RGS19: variants seen among roughly 807,000 people sequenced by gnomAD.
The protein encoded by RGS19 is regulator of G protein signaling 19.
A neutral mutation model predicts 22.0 loss-of-function variants in RGS19; 9 were observed. The ratio of observed to expected loss-of-function variants is 0.41; its 90% CI spans 0.25 to 0.71. The LOEUF is 0.71. Ranked by LOEUF, RGS19 falls within the 30% of genes least tolerant of loss-of-function variation. The pLI, the probability that RGS19 is intolerant of heterozygous loss-of-function variation, is 0.32. For missense variants in RGS19, 256 were observed against 307.1 expected (o/e 0.83, Z 1.24); for synonymous variants, 130 against 127.3 (o/e 1.02, Z -0.14).
Position 64,076,844 on chromosome 20 carries a change from G to A in RGS19, c.30+13C>T, listed in dbSNP as rs747966648. On this transcript the variant is annotated intron_variant, in intron 2 of 5. Coordinates refer to ENST00000395042, the MANE Select transcript of RGS19 (RefSeq NM_005873.3). Reference sequence around the variant, plus strand: ...CCCCCAGGGGAGCAGAGGCAGAGGGGGAGGTGGCATACCTGCTTCTCAGCC... The same window carrying A: ...CCCCCAGGGGAGCAGAGGCAGAGGGAGAGGTGGCATACCTGCTTCTCAGCC... 6 of 1,571,388 alleles carry A rather than the reference G, an allele frequency of 3.8e-6. No individual in the cohort carries two copies. The highest frequency in any genetic ancestry group is 2.3e-5 in the East Asian group (1 of 43,422).
At chr20:64,078,723 C>T (rs1481710547) in intron 1 of RGS19, among the ~76,000 whole-genome samples, 1 of 152,166 alleles carries the variant, frequency 6.6e-6, no homozygotes, top group African/African-American at 2.4e-5. Flanking sequence ...CAACCCATGT[C>T]CCCAGGCTAC....
At chr20:64,079,924 T>A (rs1227374904), upstream of RGS19, 2 of 147,738 alleles carry the variant, frequency 1.4e-5, no homozygotes, top group Non-Finnish European at 3.0e-5. The surrounding 1 kb of genome is among the most constrained non-coding windows in gnomAD (Gnocchi z 5.1). Context: ...CGCTCCAAGG[T>A]CCGGCCCGAC....
In RGS19 at chr20:64,073,786, A is replaced by G. The variant is rs959180590; in HGVS notation, c.*67T>C. ...CATGTGCCCTGACAGCCCTGCCGAC[A>G]ACAACACCTGAAGGGAACCCAGAGT... On this transcript the variant is annotated 3_prime_UTR_variant, in exon 6 of 6. Transcript: ENST00000395042. The G allele has an allele frequency of 2.3e-5, 32 of 1,416,088 alleles. No homozygotes were observed. The highest frequency in any genetic ancestry group is 2.4e-4 in the Middle Eastern group (1 of 4,140). The allele number at this position is 1,416,088 out of a possible 1,614,324, so 87.7% of individuals were successfully genotyped here.
Position 64,073,381 on chromosome 20 carries a change from T to G in RGS19, c.*472A>C, listed in dbSNP as rs1231057574. On this transcript the variant is annotated 3_prime_UTR_variant, in exon 6 of 6. Coordinates refer to ENST00000395042, the MANE Select transcript of RGS19 (RefSeq NM_005873.3). ...GAGGTCCTAAATCTGGTTCTGAGGT[T>G]CTGTGTTTGATTCTGGGGTACAGAC... The G allele has an allele frequency of 6.5e-6, 1 of 154,446 alleles. No individual in the cohort carries two copies. Among genetic ancestry groups the G allele is most frequent in the African/African-American group, 2.4e-5 (1 of 41,504 alleles). 9.6% of individuals were successfully genotyped at this position (154,446 alleles called of 1,614,324 possible). A position where few individuals can be genotyped will look rare whatever the true frequency, so the allele number is the denominator to read the frequency against.
chr20:64,077,176 C>G (rs537166128), intron 1 of RGS19, among the ~76,000 whole-genome samples: 1 of 152,260 alleles, frequency 6.6e-6, no homozygotes, highest in African/African-American at 2.4e-5. Context: ...CCCCTCCTCC[C>G]AGGCTGGGCC....
chr20:64,075,340 G>T lies in RGS19; in HGVS notation c.153-799C>A, dbSNP rs1227232966. On this transcript the variant is annotated intron_variant, in intron 3 of 5. Transcript: ENST00000395042. This position sits in a 1 kb window ranked among gnomAD's most constrained non-coding sequence, Gnocchi z 4.6. ...TTCAGGTTCTGGAGCCTGATCCCCG[G>T]TTGTCTCAAGGGAAGCAGCTTCTTT... Among the ~76,000 whole-genome samples, 4 of 152,198 alleles carry T rather than the reference G, an allele frequency of 2.6e-5. No individual in the cohort carries two copies. Among genetic ancestry groups the T allele is most frequent in the Non-Finnish European group, 5.9e-5 (4 of 68,030 alleles).
chr20:64,074,624 T>C (rs2059890191), intron 3 of RGS19, 83 bp from the exon 4 acceptor site: 2 of 1,310,708 alleles, frequency 1.5e-6, no homozygotes, highest in Non-Finnish European at 2.1e-6. Context: ...GGCAGGCACC[T>C]GACACACATG....
rs995963937 is a variant in RGS19 at position 64,073,240 on chromosome 20, G to C, written c.*613C>G. 1 of 152,260 alleles carries C rather than the reference G, an allele frequency of 6.6e-6. No homozygotes were observed. Among genetic ancestry groups the C allele is most frequent in the African/African-American group, 2.4e-5 (1 of 41,472 alleles). 9.4% of individuals were successfully genotyped at this position (152,260 alleles called of 1,614,324 possible). A position where few individuals can be genotyped will look rare whatever the true frequency, so the allele number is the denominator to read the frequency against. The stretch of plus-strand genomic sequence containing the variant: ...CTATTTTTGGGGGGTTAGGGATAGA[G>C]ATAAATATGAAAACTTTTTTTTGAT... On this transcript the variant is annotated 3_prime_UTR_variant, in exon 6 of 6. Transcript: ENST00000395042.
intron 1 of RGS19, among the ~76,000 whole-genome samples, chr20:64,077,754 GT>G (rs760871030): frequency 2.1e-4 from 32 of 152,190 alleles, no homozygotes; most frequent in Admixed American, 6.5e-4. Context: ...TGTGGTGCAT[GT>G]CCCTCCCAGC....
At chr20:64,079,589 G>C (rs529369171), upstream of RGS19, 1 of 151,868 alleles carries the variant, frequency 6.6e-6, no homozygotes, top group African/African-American at 2.4e-5. The surrounding 1 kb of genome is among the most constrained non-coding windows in gnomAD (Gnocchi z 5.1). Flanking sequence ...GAGGGGGAGG[G>C]AGACGCGGAA....
chr20:64,074,067 C>T (rs1569260679), intron 5 of RGS19, 23 bp from the exon 6 acceptor site: 2 of 1,605,076 alleles, frequency 1.2e-6, no homozygotes, highest in African/African-American at 1.3e-5. Flanking sequence ...ACACTGAGGT[C>T]AGGGGGTGCG....
rs1468462537 is a variant in RGS19 at position 64,073,197 on chromosome 20, C to A, written c.*656G>T. The A allele has an allele frequency of 1.3e-5, 2 of 152,234 alleles. No individual in the cohort carries two copies. Among genetic ancestry groups the A allele is most frequent in the Non-Finnish European group, 2.9e-5 (2 of 68,030 alleles). The allele number at this position is 152,234 out of a possible 1,614,324, so 9.4% of individuals were successfully genotyped here. On this transcript the variant is annotated 3_prime_UTR_variant, in exon 6 of 6. Coordinates refer to ENST00000395042, the MANE Select transcript of RGS19 (RefSeq NM_005873.3). ...AGTAGAGACTTTGCTTTAAAAATATCTTCAATAATAAGACATCCTATTTTT... is the reference window on the plus strand; with the variant it reads ...AGTAGAGACTTTGCTTTAAAAATATATTCAATAATAAGACATCCTATTTTT...
chr20:64,073,904 G>C lies in RGS19; in HGVS notation c.603C>G (p.Thr201=). The part of the protein sequence containing the change: ...DSYPRFLSSP[T]YRALLLQGPS... ...GCCCCTGCAGCAGCAGGGCACGGTAGGTGGGAGAGCTGAGGAAGCGGGGGT... is the reference window on the plus strand; with the variant it reads ...GCCCCTGCAGCAGCAGGGCACGGTACGTGGGAGAGCTGAGGAAGCGGGGGT... The change falls in exon 6 of 6, where the codon ACC becomes ACG. Residue 201 remains threonine (T), a synonymous_variant. Coordinates refer to ENST00000395042, the MANE Select transcript of RGS19 (RefSeq NM_005873.3). 1.9e-6 allele frequency: 3 copies of C among 1,613,642 alleles called. No individual in the cohort carries two copies. In the Middle Eastern group the frequency reaches 5.0e-4, roughly 267 times the overall value.
In RGS19 at chr20:64,073,859, C is replaced by T; in HGVS notation, c.648G>A (p.Glu216=). The change falls in exon 6 of 6, where the codon GAG becomes GAA. Residue 216 remains glutamate (E), a synonymous_variant. Coordinates refer to ENST00000395042, the MANE Select transcript of RGS19 (RefSeq NM_005873.3). The part of the protein sequence containing the change: ...LLQGPSQSSS[E]A ...CTGTGCTGCTGGGGGCGGCCTAGGC[C>T]TCGGAGGAGGACTGTGATGGCCCCT... The T allele has an allele frequency of 6.2e-7, 1 of 1,609,396 alleles. No individual in the cohort carries two copies. Among genetic ancestry groups the T allele is most frequent in the Non-Finnish European group, 8.5e-7 (1 of 1,177,434 alleles).
intron 1 of RGS19, among the ~76,000 whole-genome samples, chr20:64,078,357 T>G (rs999299893): frequency 2.4e-4 from 20 of 83,416 alleles, no homozygotes; most frequent in African/African-American, 7.7e-4. Context: ...AGCTGGGCTT[T>G]CTTTCAGGGG....
intron 1 of RGS19, among the ~76,000 whole-genome samples, chr20:64,077,682 G>A (rs1395709891): frequency 6.6e-6 from 1 of 152,208 alleles, no homozygotes; most frequent in African/African-American, 2.4e-5. Context: ...AAGTGGGGGT[G>A]GCAGGGGTGG....
At chr20:64,078,428 G>A (rs1054064638) in intron 1 of RGS19, among the ~76,000 whole-genome samples, 2 of 152,146 alleles carry the variant, frequency 1.3e-5, no homozygotes, top group Non-Finnish European at 1.5e-5. Context: ...GTACCCAGAC[G>A]GGGCTGTCTG....
chr20:64,074,435 C>T (rs1276494541), intron 4 of RGS19, 32 bp downstream of exon 4: 4 of 1,575,132 alleles, frequency 2.5e-6, no homozygotes, highest in Admixed American at 3.7e-5. Flanking sequence ...TGGGGCCCCC[C>T]CAGCACGCAC....
chr20:64,074,278 T>A lies in RGS19; in HGVS notation c.328A>T (p.Thr110Ser). ...AGCATGTTCTCCTCGCTGTACTCTG[T>A]CCGCAGGAACGCCCGGAACACGCTG... ...GRSVFRAFLRTEYSEENMLFW... is the reference protein window; with the variant it reads ...GRSVFRAFLRSEYSEENMLFW... The change falls in exon 5 of 6, where the codon ACA (threonine) becomes TCA (serine). Residue 110 changes from threonine to serine, a missense_variant. Coordinates refer to ENST00000395042, the MANE Select transcript of RGS19 (RefSeq NM_005873.3). 4 of 1,613,450 alleles carry A rather than the reference T, an allele frequency of 2.5e-6. No individual in the cohort carries two copies. The highest frequency in any genetic ancestry group is 3.4e-6 in the Non-Finnish European group (4 of 1,180,018).
Sources: gnomAD v4.1 joint callset for allele counts (sites outside exome capture counted in the v4.1 genomes callset) on GRCh38, gnomAD v4.1.1 for gene constraint, Gnocchi (gnomAD v3.1) non-coding constraint, MANE v1.5 for transcripts, NCBI Gene and HGNC (gene_info 2026-07-23, HGNC 2026-07-21) for gene names.